Variants in CRYBG1 observed in about 807,000 individuals in gnomAD.
CRYBG1 encodes the protein beta/gamma crystallin domain-containing protein 1.
A neutral mutation model predicts 189.2 loss-of-function variants in CRYBG1; 139 were observed. The observed-to-expected ratio is 0.73, with a 90% CI of 0.64 to 0.85. The LOEUF (loss-of-function observed/expected upper bound fraction) is 0.85. Among genes scored for constraint, CRYBG1 ranks in the 40% least tolerant of loss-of-function variants. CRYBG1 has a pLI of 0.00. For missense variants in CRYBG1, 2,611 were observed against 2,675.8 expected (o/e 0.98, Z 0.53); for synonymous variants, 1,023 against 1,017.1 (o/e 1.01, Z -0.11).
intron 1 of CRYBG1, among the ~76,000 whole-genome samples, chr6:106,413,429 C>A (rs1465195731): frequency 6.6e-6 from 1 of 152,152 alleles, no homozygotes; most frequent in Admixed American, 6.5e-5. Flanking sequence ...GTAATCCCAG[C>A]ACTTTGAGAG....
intron 1 of CRYBG1, among the ~76,000 whole-genome samples, chr6:106,440,243 CCTCT>C (rs34075891): frequency 0.13 from 19,822 of 147,504 alleles, 1,324 homozygotes; most frequent in Middle Eastern, 0.17. Flanking sequence ...TTCCTTTCTT[CCTCT>C]CTCTCTCTCT....
In CRYBG1 at chr6:106,433,450, G is replaced by C. The variant is rs1443560987; in HGVS notation, c.174-18244G>C. Among the ~76,000 whole-genome samples the C allele has an allele frequency of 3.3e-5, 5 of 152,070 alleles. No individual in the cohort carries two copies. The East Asian group carries it at 9.7e-4, about 30-fold the overall frequency. ...ACTCGTGGGTTATCAGTCCTCCTGG[G>C]GTGAATGTTCTATTGATTCCAGTGC... On this transcript the variant is annotated intron_variant, in intron 1 of 21. Coordinates refer to ENST00000633556, the MANE Select transcript of CRYBG1 (RefSeq NM_001371242.2).
chr6:106,502,553 C>T lies in CRYBG1; in HGVS notation c.313-8877C>T, dbSNP rs987645088. On this transcript the variant is annotated intron_variant, in intron 2 of 21. Coordinates refer to ENST00000633556, the MANE Select transcript of CRYBG1 (RefSeq NM_001371242.2). ...ACACATTATGCATAAGAAAAAAAAT[C>T]GCCGAATTAGGATAATACATCTCAA... is the stretch of plus-strand genomic sequence containing the variant. 5.3e-5 allele frequency among the ~76,000 whole-genome samples: 8 copies of T among 152,194 alleles called. 1 individual carries two copies. Among genetic ancestry groups the T allele is most frequent in the South Asian group, 2.1e-4 (1 of 4,832 alleles).
Position 106,535,045 on chromosome 6 carries a change from T to C in CRYBG1, c.4719-4358T>C, listed in dbSNP as rs372892690. On this transcript the variant is annotated intron_variant, in intron 8 of 21. Coordinates refer to ENST00000633556, the MANE Select transcript of CRYBG1 (RefSeq NM_001371242.2). ...CTTCTTTTTTAATTGACAAACATTA[T>C]TTGATCATTTGTACTGTGTAATATT... Among the ~76,000 whole-genome samples, 9 of 152,318 alleles carry C rather than the reference T, an allele frequency of 5.9e-5. No individual in the cohort carries two copies. In the East Asian group the frequency reaches 1.5e-3, roughly 26 times the overall value.
intron 2 of CRYBG1, among the ~76,000 whole-genome samples, chr6:106,460,080 G>A (rs1031213456): frequency 3.3e-5 from 5 of 151,738 alleles, no homozygotes; most frequent in African/African-American, 7.3e-5. Context: ...TCTGCCTCCC[G>A]GGGTCATGCC....
intron 1 of CRYBG1, among the ~76,000 whole-genome samples, chr6:106,389,480 T>C (rs952829685): frequency 2.6e-5 from 4 of 152,136 alleles, no homozygotes; most frequent in Non-Finnish European, 4.4e-5. Context: ...ATAGTAGTGT[T>C]CCAAAATTTG....
rs1032000541 is a variant in CRYBG1 at position 106,360,850 on chromosome 6, G to A, written c.-59G>A. ...TGGCGCTCAGGTGTGTTCTTCCATAGGGCCCGGGCGGCAGAGAGGACCGCG... is the reference window on the plus strand; with the variant it reads ...TGGCGCTCAGGTGTGTTCTTCCATAAGGCCCGGGCGGCAGAGAGGACCGCG... On this transcript the variant is annotated 5_prime_UTR_variant, in exon 1 of 22. Coordinates refer to ENST00000633556, the MANE Select transcript of CRYBG1 (RefSeq NM_001371242.2). The A allele has an allele frequency of 1.1e-4, 155 of 1,471,162 alleles. No individual in the cohort carries two copies. Among genetic ancestry groups the A allele is most frequent in the Admixed American group, 3.6e-4 (15 of 41,696 alleles). 91.1% of individuals were successfully genotyped at this position (1,471,162 alleles called of 1,614,324 possible).
In CRYBG1 at chr6:106,521,857, T is replaced by A. The variant is rs906776595; in HGVS notation, c.4245+404T>A. Among the ~76,000 whole-genome samples the A allele has an allele frequency of 2.0e-5, 3 of 151,672 alleles. No individual in the cohort carries two copies. In the South Asian group the frequency reaches 6.2e-4, roughly 32 times the overall value. On this transcript the variant is annotated intron_variant, in intron 4 of 21. Coordinates refer to ENST00000633556, the MANE Select transcript of CRYBG1 (RefSeq NM_001371242.2). Reference sequence around the variant, plus strand: ...CCTCGGCTTCCCTAGTAGCAGGGAATGCAGGCGCGTGCCACCACGCCTGGC... The same window carrying A: ...CCTCGGCTTCCCTAGTAGCAGGGAAAGCAGGCGCGTGCCACCACGCCTGGC...
intron 1 of CRYBG1, among the ~76,000 whole-genome samples, chr6:106,415,541 T>C (rs570276475): frequency 6.6e-6 from 1 of 150,570 alleles, no homozygotes; most frequent in Admixed American, 6.6e-5. Context: ...CTGGGTAACG[T>C]GGAAAAATCC....
chr6:106,428,247 G>A (rs1427700488), intron 1 of CRYBG1, among the ~76,000 whole-genome samples: 1 of 152,230 alleles, frequency 6.6e-6, no homozygotes, highest in East Asian at 1.9e-4. Context: ...AAGAATTAGT[G>A]AATATTTCCA....
chr6:106,468,076 G>GA (rs1772150245), intron 2 of CRYBG1, among the ~76,000 whole-genome samples: 3 of 151,914 alleles, frequency 2.0e-5, no homozygotes, highest in African/African-American at 7.3e-5. Context: ...TGATTAAACT[G>GA]AAAAAAGACA....
Position 106,391,928 on chromosome 6 carries a change from CGTGTGTGTGTGTGT to C in CRYBG1, c.173+30877_173+30890del, listed in dbSNP as rs57024907. Among the ~76,000 whole-genome samples the C allele has an allele frequency of 2.6e-3, 337 of 131,322 alleles. 4 individuals carry two copies. Among genetic ancestry groups the C allele is most frequent in the Middle Eastern group, 0.023 (6 of 256 alleles). 86.2% of individuals were successfully genotyped at this position (131,322 alleles called of 152,430 possible). On this transcript the variant is annotated intron_variant, in intron 1 of 21. Transcript: ENST00000633556. ...GTTTCCAAAAGCCTGTTGTTTAAAA[CGTGTGTGTGTGTGT>C]GTGTGTGTGTGTGTGTGTGTGTGTG...
rs1419250198 is a variant in CRYBG1 at position 106,527,289 on chromosome 6, T to C, written c.4413-16T>C. 3 of 1,600,934 alleles carry C rather than the reference T, an allele frequency of 1.9e-6. No homozygotes were observed. The highest frequency in any genetic ancestry group is 1.7e-5 in the Admixed American group (1 of 58,312). On this transcript the variant is annotated splice_polypyrimidine_tract_variant and intron_variant, in intron 6 of 21. Transcript: ENST00000633556. ...CACGAAGACTGACTAATGGTTTTGCTGTGTTTTATTGTTAGTTGGATTTTG... is the reference window on the plus strand; with the variant it reads ...CACGAAGACTGACTAATGGTTTTGCCGTGTTTTATTGTTAGTTGGATTTTG...
At chr6:106,482,106 G>A (rs1772475629) in intron 2 of CRYBG1, among the ~76,000 whole-genome samples, 1 of 152,112 alleles carries the variant, frequency 6.6e-6, no homozygotes, top group Non-Finnish European at 1.5e-5. Context: ...TGTCAGCTGG[G>A]GCTGCAGTTT....
chr6:106,365,087 C>CT (rs1297293738), intron 1 of CRYBG1, among the ~76,000 whole-genome samples: 1 of 151,974 alleles, frequency 6.6e-6, no homozygotes, highest in African/African-American at 2.4e-5. Flanking sequence ...ATTCAAGCCA[C>CT]TTTGTGTTAT....
intron 2 of CRYBG1, among the ~76,000 whole-genome samples, chr6:106,485,102 A>G (rs1772569569): frequency 6.6e-6 from 1 of 152,188 alleles, no homozygotes; most frequent in African/African-American, 2.4e-5. Context: ...CATTTTAACA[A>G]TATTATTTCT....
At chr6:106,493,905 G>T (rs6906630) in intron 2 of CRYBG1, among the ~76,000 whole-genome samples, 1 of 151,912 alleles carries the variant, frequency 6.6e-6, no homozygotes, top group African/African-American at 2.4e-5. Flanking sequence ...CATGGCATAC[G>T]TTTACCCATG....
intron 8 of CRYBG1, among the ~76,000 whole-genome samples, chr6:106,534,125 T>A (rs11153004): frequency 0.68 from 103,923 of 152,048 alleles, 36,263 homozygotes; most frequent in South Asian, 0.84. Flanking sequence ...TAGAAAAGAA[T>A]GAAAAAGGCA....
At chr6:106,515,803 T>C (rs1773405439) in intron 3 of CRYBG1, among the ~76,000 whole-genome samples, 1 of 147,082 alleles carries the variant, frequency 6.8e-6, no homozygotes, top group African/African-American at 2.6e-5. Context: ...ATTTATTTAT[T>C]TATTTTTGAG....
Sources: gnomAD v4.1 joint callset for allele counts (sites outside exome capture counted in the v4.1 genomes callset) on GRCh38, gnomAD v4.1.1 for gene constraint, MANE v1.5 for transcripts, NCBI Gene and HGNC (gene_info 2026-07-23, HGNC 2026-07-21) for gene names.